DIAPH2: variants seen among roughly 807,000 people sequenced by gnomAD.
DIAPH2 encodes the protein protein diaphanous homolog 2.
DIAPH2 carries 35 observed loss-of-function variants against 92.7 expected under a neutral mutation model. The ratio of observed to expected loss-of-function variants is 0.38; its 90% CI spans 0.29 to 0.50. The LOEUF (loss-of-function observed/expected upper bound fraction) is 0.50. DIAPH2 is among the 20% of genes least tolerant of loss of function. DIAPH2 has a pLI of 0.94. For missense variants in DIAPH2, 701 were observed against 819.5 expected (o/e 0.86, Z 1.77); for synonymous variants, 301 against 280.4 (o/e 1.07, Z -0.73).
At chrX:96,871,365 G>A (rs772169419) in intron 4 of DIAPH2, among the ~76,000 whole-genome samples, 208 of 107,765 alleles carry the variant, frequency 1.9e-3, no homozygotes, top group Middle Eastern at 4.7e-3. Context: ...AGTTACTCGG[G>A]AGGCTGAGGC....
At chrX:96,845,153 A>G (rs1354709144) in intron 4 of DIAPH2, among the ~76,000 whole-genome samples, 1 of 111,302 alleles carries the variant, frequency 9.0e-6, no homozygotes, top group East Asian at 2.8e-4. Context: ...AAGCTAGAAA[A>G]CACTGTAAAT....
intron 3 of DIAPH2, among the ~76,000 whole-genome samples, chrX:96,744,571 G>A (rs1169198199): frequency 2.7e-5 from 3 of 111,991 alleles, no homozygotes; most frequent in African/African-American, 6.5e-5. Context: ...GGTAAAGCCA[G>A]CCTGGGATGG....
In DIAPH2 at chrX:97,384,047, A is replaced by G; in HGVS notation, c.3145+3A>G. On this transcript the variant is annotated splice_donor_region_variant and intron_variant, in intron 25 of 26. Transcript: ENST00000324765. ...ACAACTCATTGATATAAACAAAGGT[A>G]TGAAAATATTTCCAATTTTTACAAA... 1 of 1,148,654 alleles carries G rather than the reference A, an allele frequency of 8.7e-7. No homozygotes were observed. Among genetic ancestry groups the G allele is most frequent in the Non-Finnish European group, 1.2e-6 (1 of 860,457 alleles). 94.7% of individuals were successfully genotyped at this position (1,148,654 alleles called of 1,213,427 possible).
At chrX:96,864,336 A>G (rs1214024231) in intron 4 of DIAPH2, among the ~76,000 whole-genome samples, 1 of 95,841 alleles carries the variant, frequency 1.0e-5, no homozygotes, top group Non-Finnish European at 2.1e-5. Flanking sequence ...CAGAAATGTT[A>G]TGCCAAATCT....
intron 26 of DIAPH2, among the ~76,000 whole-genome samples, chrX:97,490,696 C>T (rs1233075247): frequency 1.8e-5 from 2 of 109,685 alleles, no homozygotes; most frequent in Non-Finnish European, 3.8e-5. Context: ...TGTTTCATTT[C>T]CACATATTTG....
At chrX:96,884,271 G>A (rs758981501) in intron 5 of DIAPH2, 2 of 1,168,689 alleles carry the variant, frequency 1.7e-6, no homozygotes, top group Non-Finnish European at 2.3e-6. Flanking sequence ...CCCCAGACGA[G>A]CCAAAGCCCA....
chrX:97,498,993 G>A, intron 26 of DIAPH2, among the ~76,000 whole-genome samples: 1 of 111,254 alleles, frequency 9.0e-6, no homozygotes. Flanking sequence ...AGTGTCTAGA[G>A]ACTAGATAGC....
intron 22 of DIAPH2, among the ~76,000 whole-genome samples, chrX:97,213,939 C>A (rs993024949): frequency 1.8e-5 from 2 of 111,921 alleles, no homozygotes; most frequent in Non-Finnish European, 3.8e-5. Context: ...ACCACCTCTG[C>A]CTGTTCAAGT....
chrX:97,196,555 G>T (rs1381621398), intron 22 of DIAPH2, among the ~76,000 whole-genome samples: 1 of 111,310 alleles, frequency 9.0e-6, no homozygotes, highest in Non-Finnish European at 1.9e-5. Flanking sequence ...AACATGAAAT[G>T]CTTCAATTAT....
At chrX:96,910,313 A>G (rs829291) in intron 5 of DIAPH2, among the ~76,000 whole-genome samples, 39,415 of 110,433 alleles carry the variant, frequency 0.36, 6,444 homozygotes, top group South Asian at 0.53. Context: ...ACAGTGCCAT[A>G]TTGATTTTTT....
intron 25 of DIAPH2, among the ~76,000 whole-genome samples, chrX:97,419,766 A>G (rs2069988447): frequency 8.9e-6 from 1 of 112,338 alleles, no homozygotes; most frequent in African/African-American, 3.2e-5. Context: ...GGTAGATATT[A>G]TTAATATTCC....
At chrX:97,383,827 T>C (rs982256606) in intron 24 of DIAPH2, 82 bp from the exon 25 acceptor site, 66 of 885,408 alleles carry the variant, frequency 7.5e-5, no homozygotes, top group Non-Finnish European at 9.3e-5. Flanking sequence ...TAGGAAGCAG[T>C]GAGAGAAAAT....
At chrX:97,392,711 G>A (rs1173662057) in intron 25 of DIAPH2, among the ~76,000 whole-genome samples, 4 of 111,521 alleles carry the variant, frequency 3.6e-5, no homozygotes, top group Admixed American at 9.5e-5. Context: ...ACATCAAAAC[G>A]ATTAAGAGAA....
intron 12 of DIAPH2, 118 bp downstream of exon 12, chrX:96,939,500 G>GTATA (rs370377748): frequency 2.2e-5 from 1 of 46,398 alleles, no homozygotes; most frequent in Non-Finnish European, 5.7e-5. Context: ...ATATATATAT[G>GTATA]TATATATATA....
chrX:96,967,395 T>TATTC (rs369521457), intron 17 of DIAPH2, among the ~76,000 whole-genome samples: 12,781 of 105,725 alleles, frequency 0.12, 694 homozygotes, highest in Middle Eastern at 0.15. Flanking sequence ...TTTATTTATT[T>TATTC]ATTCATTCAT....
chrX:96,797,368 C>G (rs1277805351), intron 4 of DIAPH2, among the ~76,000 whole-genome samples: 1 of 111,634 alleles, frequency 9.0e-6, no homozygotes, highest in African/African-American at 3.3e-5. Flanking sequence ...GTAATCCCAG[C>G]TACTAGGGAG....
At chrX:97,507,806 C>T (rs1044102729) in intron 26 of DIAPH2, among the ~76,000 whole-genome samples, 1 of 111,193 alleles carries the variant, frequency 9.0e-6, no homozygotes, top group Non-Finnish European at 1.9e-5. Context: ...CCCTAATTCC[C>T]CCACAGAGCC....
intron 26 of DIAPH2, among the ~76,000 whole-genome samples, chrX:97,487,483 C>T (rs961395280): frequency 2.7e-5 from 3 of 110,825 alleles, no homozygotes; most frequent in Non-Finnish European, 5.7e-5. Flanking sequence ...ACCATGTTAG[C>T]CAGGATGGTC....
intron 13 of DIAPH2, 109 bp from the exon 14 acceptor site, chrX:96,945,418 G>T: frequency 2.0e-6 from 1 of 505,670 alleles, no homozygotes; most frequent in Non-Finnish European, 3.3e-6. Flanking sequence ...ATTTAATAAG[G>T]GTTGACATAA....
Sources: allele counts gnomAD v4.1 joint callset (sites outside exome capture counted in the v4.1 genomes callset), GRCh38; gene constraint gnomAD v4.1.1; transcripts MANE v1.5; gene names NCBI Gene and HGNC (gene_info 2026-07-23, HGNC 2026-07-21).